The following RELN variants were observed in gnomAD, a reference collection of about 807,000 sequenced individuals.
RELN encodes reelin.
In RELN, 108 loss-of-function variants were observed where a neutral mutation model predicts 427.6. That is an observed-to-expected ratio of 0.25 (90% CI 0.22 to 0.30). The LOEUF is 0.30. Ranked by LOEUF, RELN falls within the 10% of genes least tolerant of loss-of-function variation. The probability of loss-of-function intolerance (pLI) is 1.00; values close to 1 mark genes in which losing one functional copy is unlikely to be tolerated. For synonymous variants in RELN, 1,524 were observed against 1,513.4 expected (o/e 1.01, Z -0.16); for missense variants, 3,715 against 4,302.8 (o/e 0.86, Z 3.82).
At chr7:103,751,426 C>G (rs1181058098) in intron 5 of RELN, among the ~76,000 whole-genome samples, 1 of 152,172 alleles carries the variant, frequency 6.6e-6, no homozygotes, top group African/African-American at 2.4e-5. Context: ...CAGGCAAGCA[C>G]GTAATGAAGT....
In RELN at chr7:103,739,989, G is replaced by A. The variant is rs981811923; in HGVS notation, c.656+9437C>T. Among the ~76,000 whole-genome samples the A allele has an allele frequency of 2.0e-5, 3 of 152,204 alleles. No homozygotes were observed. The East Asian group carries it at 5.8e-4, about 29-fold the overall frequency. ...GAGGACAGGGACAAAGCCGGGCTGT[G>A]TGGACTAGTCACCAGACTAGATGAG... On this transcript the variant is annotated intron_variant, in intron 6 of 64. Coordinates refer to ENST00000428762, the MANE Select transcript of RELN (RefSeq NM_005045.4).
intron 8 of RELN, among the ~76,000 whole-genome samples, chr7:103,712,202 T>C (rs753676449): frequency 6.6e-6 from 1 of 152,206 alleles, no homozygotes; most frequent in East Asian, 1.9e-4. Context: ...ATATTAAGTA[T>C]ATCAAAATTC....
chr7:103,605,682 A>C (rs749308371), intron 22 of RELN, among the ~76,000 whole-genome samples: 3 of 152,250 alleles, frequency 2.0e-5, no homozygotes, highest in Non-Finnish European at 1.5e-5. Flanking sequence ...AACCTTTCCC[A>C]AGCACACTAT....
Position 103,880,525 on chromosome 7 carries a change from A to G in RELN, c.337+36550T>C, listed in dbSNP as rs1274993157. On this transcript the variant is annotated intron_variant, in intron 2 of 64. Transcript: ENST00000428762. ...TCCCTCCTTTGTCATCATCATCATT[A>G]TCGCTGTGTATAGTGATTAAGAGCA... Among the ~76,000 whole-genome samples the G allele has an allele frequency of 2.6e-5, 4 of 152,128 alleles. No individual in the cohort carries two copies. In the South Asian group the frequency reaches 8.3e-4, roughly 32 times the overall value.
Position 103,815,654 on chromosome 7 carries a change from T to C in RELN, c.473+17883A>G, listed in dbSNP as rs113420814. ...AGTAATTCCTGAGATCTGGCAGAGGTGTACTAAAGTGCTGTAATAACAGTT... is the reference window on the plus strand; with the variant it reads ...AGTAATTCCTGAGATCTGGCAGAGGCGTACTAAAGTGCTGTAATAACAGTT... On this transcript the variant is annotated intron_variant, in intron 3 of 64. Coordinates refer to ENST00000428762, the MANE Select transcript of RELN (RefSeq NM_005045.4). 2.2e-3 allele frequency among the ~76,000 whole-genome samples: 331 copies of C among 152,328 alleles called. 2 individuals are homozygous for C. The highest frequency in any genetic ancestry group is 4.1e-3 in the Non-Finnish European group (277 of 68,038).
In RELN at chr7:103,593,701, C is replaced by G; in HGVS notation, c.3893G>C (p.Gly1298Ala). 4 of 1,613,828 alleles carry G rather than the reference C, an allele frequency of 2.5e-6. No homozygotes were observed. Among genetic ancestry groups the G allele is most frequent in the Non-Finnish European group, 3.4e-6 (4 of 1,179,800 alleles). The part of the protein sequence containing the change: ...AVTRDLTLKP[G>A]YVLQFKLNIG... ...AAATACCTTGAACTGTAGCACATATCCAGGTTTCAGGGTCAAATCTCGAGT... is the reference window on the plus strand; with the variant it reads ...AAATACCTTGAACTGTAGCACATATGCAGGTTTCAGGGTCAAATCTCGAGT... The change falls in exon 27 of 65, where the codon GGA becomes GCA. Residue 1298 changes from glycine (G) to alanine (A), a missense_variant. By Grantham distance (60) the Gly-to-Ala change is moderately conservative. This residue lies in a region of RELN where 2,208 missense variants were observed against 2,361.7 expected (regional missense o/e 0.93). Coordinates refer to ENST00000428762, the MANE Select transcript of RELN (RefSeq NM_005045.4).
intron 10 of RELN, among the ~76,000 whole-genome samples, chr7:103,683,539 T>C (rs543681945): frequency 2.0e-5 from 3 of 152,134 alleles, no homozygotes; most frequent in Non-Finnish European, 4.4e-5. Flanking sequence ...GCTGAAAAAT[T>C]TCTATCACCT....
chr7:103,898,635 T>C (rs1795014686), intron 2 of RELN, among the ~76,000 whole-genome samples: 2 of 150,944 alleles, frequency 1.3e-5, no homozygotes, highest in Non-Finnish European at 2.9e-5. Flanking sequence ...CAAAGTTAAA[T>C]AAGGGTGTCT....
At chr7:103,624,408 C>T (rs1832283475) in intron 20 of RELN, among the ~76,000 whole-genome samples, 1 of 152,024 alleles carries the variant, frequency 6.6e-6, no homozygotes, top group South Asian at 2.1e-4. Context: ...CTCAATGTTA[C>T]CCTTTTTTCC....
At chr7:103,489,524 T>C (rs1276778412) in intron 60 of RELN, among the ~76,000 whole-genome samples, 1 of 152,194 alleles carries the variant, frequency 6.6e-6, no homozygotes, top group African/African-American at 2.4e-5. Context: ...TGGAGTAGAT[T>C]TCATTTCTAT....
intron 3 of RELN, among the ~76,000 whole-genome samples, chr7:103,788,495 A>G (rs546780539): frequency 6.6e-6 from 1 of 152,358 alleles, no homozygotes; most frequent in South Asian, 2.1e-4. Flanking sequence ...GCAAAGTCTC[A>G]GGATACAAAG....
At chr7:103,592,726 T>C (rs564438698) in intron 27 of RELN, among the ~76,000 whole-genome samples, 23 of 152,332 alleles carry the variant, frequency 1.5e-4, no homozygotes, top group African/African-American at 5.3e-4. Flanking sequence ...TGTGATTAAT[T>C]AAATAGAAAA....
intron 53 of RELN, among the ~76,000 whole-genome samples, chr7:103,500,077 A>G (rs1030841218): frequency 6.6e-5 from 10 of 152,200 alleles, no homozygotes; most frequent in Non-Finnish European, 1.3e-4. Flanking sequence ...TTCAATCACT[A>G]GGAATTTTGC....
In RELN at chr7:103,574,237, C is replaced by T. The variant is rs1830946543; in HGVS notation, c.4366G>A (p.Gly1456Arg). The change falls in exon 30 of 65, where the codon GGG becomes AGG. Residue 1456 changes from glycine (G) to arginine (R), a missense_variant. Coordinates refer to ENST00000428762, the MANE Select transcript of RELN (RefSeq NM_005045.4). ...TTGTACCACAGAGGGCTGAGCTTCC[C>T]CTCAAACCTATCGAACATCTCATTG... Reference protein sequence around the residue: ...NHNEMFDRFEGKLSPLWYKIT... With the variant: ...NHNEMFDRFERKLSPLWYKIT... The T allele has an allele frequency of 1.9e-6, 3 of 1,614,108 alleles. No individual in the cohort carries two copies. The highest frequency in any genetic ancestry group is 2.5e-6 in the Non-Finnish European group (3 of 1,179,998).
intron 1 of RELN, among the ~76,000 whole-genome samples, chr7:103,954,061 C>T (rs112853595): frequency 0.014 from 2,178 of 151,964 alleles, 50 homozygotes; most frequent in African/African-American, 0.05. Flanking sequence ...ACCAGCCTGG[C>T]CAACAGAGCA....
At chr7:103,481,482 C>T (rs1406845145) in intron 63 of RELN, among the ~76,000 whole-genome samples, 1 of 152,104 alleles carries the variant, frequency 6.6e-6, no homozygotes, top group Non-Finnish European at 1.5e-5. Flanking sequence ...TTATTATCTA[C>T]CAGTTTATGA....
At chr7:103,946,460 TTTAAAATG>T (rs1201208842) in intron 1 of RELN, among the ~76,000 whole-genome samples, 1 of 152,200 alleles carries the variant, frequency 6.6e-6, no homozygotes, top group Non-Finnish European at 1.5e-5. Context: ...GGGTCTGTAA[TTTAAAATG>T]GTAACTAAGT....
intron 6 of RELN, among the ~76,000 whole-genome samples, chr7:103,735,427 G>A (rs1790467246): frequency 6.6e-6 from 1 of 152,076 alleles, no homozygotes; most frequent in Non-Finnish European, 1.5e-5. Context: ...GGGCACAGAG[G>A]AAGATGAAGT....
At chr7:103,676,199 AT>A (rs1413571615) in intron 11 of RELN, among the ~76,000 whole-genome samples, 2 of 152,190 alleles carry the variant, frequency 1.3e-5, no homozygotes, top group East Asian at 1.9e-4. Flanking sequence ...CAAGAAAAAA[AT>A]AAAAAAACCC....
Sources: allele counts gnomAD v4.1 joint callset (sites outside exome capture counted in the v4.1 genomes callset), GRCh38; gene constraint gnomAD v4.1.1; regional missense constraint gnomAD v4.1.1; transcripts MANE v1.5; gene names NCBI Gene and HGNC (gene_info 2026-07-23, HGNC 2026-07-21).